The following CDC42BPA variants were observed in gnomAD, a reference collection of about 807,000 sequenced individuals.
CDC42BPA encodes CDC42 binding protein kinase alpha, also known as serine/threonine-protein kinase MRCK alpha.
CDC42BPA carries 80 observed loss-of-function variants against 223.5 expected under a neutral mutation model. The ratio of observed to expected loss-of-function variants is 0.36; its 90% CI spans 0.30 to 0.43. The LOEUF is 0.43. CDC42BPA is among the 20% of genes least tolerant of loss of function. CDC42BPA has a pLI of 1.00. For synonymous variants in CDC42BPA, 694 were observed against 718.6 expected (o/e 0.97, Z 0.55); for missense variants, 1,743 against 2,099.9 (o/e 0.83, Z 3.32).
intron 5 of CDC42BPA, among the ~76,000 whole-genome samples, chr1:227,164,551 A>AGCTACTCAGGAGGCTACTCAGGAG (rs56874551): frequency 1.2e-3 from 184 of 151,882 alleles, no homozygotes; most frequent in African/African-American, 3.9e-3. Flanking sequence ...CTGTGGTCCC[A>AGCTACTCAGGAGGCTACTCAGGAG]GCTACTCAGG....
Position 227,158,963 on chromosome 1 carries a change from C to T in CDC42BPA, c.693+1580G>A, listed in dbSNP as rs554814985. ...TTCTGCATCAGAGTCAGGAACTGCCCCAGTCTTTGCGCAATCGTGAGGAAT... is the reference window on the plus strand; with the variant it reads ...TTCTGCATCAGAGTCAGGAACTGCCTCAGTCTTTGCGCAATCGTGAGGAAT... On this transcript the variant is annotated intron_variant, in intron 6 of 36. Transcript: ENST00000366766. Among the ~76,000 whole-genome samples, 5 of 152,146 alleles carry T rather than the reference C, an allele frequency of 3.3e-5. No homozygotes were observed. The South Asian group carries it at 1.0e-3, about 32-fold the overall frequency.
chr1:227,050,205 C>T (rs1673261620), intron 22 of CDC42BPA, among the ~76,000 whole-genome samples: 1 of 152,034 alleles, frequency 6.6e-6, no homozygotes, highest in African/African-American at 2.4e-5. Context: ...ACAGGCAAAT[C>T]ATCAATGGTC....
intron 4 of CDC42BPA, among the ~76,000 whole-genome samples, chr1:227,196,621 G>A (rs560370255): frequency 2.0e-5 from 3 of 152,036 alleles, no homozygotes; most frequent in Admixed American, 1.3e-4. Context: ...TTACAGGCAT[G>A]AGCCACCGTG....
At chr1:227,220,311 T>TATATATAC (rs1210485137) in intron 2 of CDC42BPA, among the ~76,000 whole-genome samples, 305 of 49,444 alleles carry the variant, frequency 6.2e-3, no homozygotes, top group African/African-American at 0.015. Context: ...TATATATATA[T>TATATATAC]ACACACACAC....
intron 33 of CDC42BPA, 142 bp downstream of exon 33, chr1:227,016,785 T>C (rs1666364957): frequency 5.6e-6 from 4 of 720,358 alleles, no homozygotes; most frequent in South Asian, 2.8e-5. Context: ...AGAAGTTACA[T>C]TCATTATTGC....
At chr1:227,307,757 C>T (rs924504447) in intron 1 of CDC42BPA, among the ~76,000 whole-genome samples, 2 of 152,142 alleles carry the variant, frequency 1.3e-5, no homozygotes, top group African/African-American at 4.8e-5. Flanking sequence ...AATACATTTA[C>T]GGGTGCTGCA....
chr1:227,293,109 C>T (rs1193478318), intron 1 of CDC42BPA, among the ~76,000 whole-genome samples: 1 of 152,104 alleles, frequency 6.6e-6, no homozygotes, highest in African/African-American at 2.4e-5. Context: ...GTTCACTCAC[C>T]AATTCTTTCA....
chr1:227,148,479 A>C (rs974077468), intron 6 of CDC42BPA, among the ~76,000 whole-genome samples: 1 of 152,176 alleles, frequency 6.6e-6, no homozygotes, highest in Non-Finnish European at 1.5e-5. Flanking sequence ...TCCAATTCTG[A>C]ATAATTAGGA....
chr1:227,194,105 C>A (rs1558726757), intron 4 of CDC42BPA, among the ~76,000 whole-genome samples, 171 bp from the exon 5 acceptor site: 1 of 152,158 alleles, frequency 6.6e-6, no homozygotes, highest in Non-Finnish European at 1.5e-5. Context: ...TACAAAACTT[C>A]TAAATTTCAT....
At chr1:227,092,049 G>A in intron 15 of CDC42BPA, 58 bp from the exon 16 acceptor site, 1 of 956,368 alleles carries the variant, frequency 1.0e-6, no homozygotes, top group Non-Finnish European at 1.6e-6. Context: ...TTGAAAACTT[G>A]AAATTATTTT....
In CDC42BPA at chr1:226,993,831, C is replaced by T. The variant is rs947550435; in HGVS notation, c.*437G>A. 3 of 159,042 alleles carry T rather than the reference C, an allele frequency of 1.9e-5. No homozygotes were observed. The highest frequency in any genetic ancestry group is 7.2e-5 in the African/African-American group (3 of 41,488). 9.9% of individuals were successfully genotyped at this position (159,042 alleles called of 1,614,324 possible). A position where few individuals can be genotyped will look rare whatever the true frequency, so the allele number is the denominator to read the frequency against. On this transcript the variant is annotated 3_prime_UTR_variant, in exon 37 of 37. Transcript: ENST00000366766. ...ACTCACTGCGTTTGCTGATTAAGAG[C>T]TTAGTGAGCCACTCCAGGGACCAAT...
At chr1:227,034,878 A>C in intron 25 of CDC42BPA, 84 bp from the exon 26 acceptor site, 3 of 1,248,046 alleles carry the variant, frequency 2.4e-6, no homozygotes, top group Non-Finnish European at 1.1e-6. Context: ...TGCATGGTGA[A>C]GACCTACAGA....
At chr1:227,188,769 C>A (rs1021379582) in intron 5 of CDC42BPA, among the ~76,000 whole-genome samples, 1 of 152,038 alleles carries the variant, frequency 6.6e-6, no homozygotes, top group Non-Finnish European at 1.5e-5. Flanking sequence ...ACTATTATGG[C>A]GGATACACGT....
intron 2 of CDC42BPA, among the ~76,000 whole-genome samples, chr1:227,214,086 T>G (rs1877621): frequency 0.31 from 47,326 of 151,648 alleles, 7,581 homozygotes; most frequent in East Asian, 0.37. Context: ...TACTGGGGGT[T>G]GGTGGGGAGG....
intron 3 of CDC42BPA, among the ~76,000 whole-genome samples, chr1:227,212,770 T>C (rs1426298412): frequency 6.6e-6 from 1 of 152,198 alleles, no homozygotes; most frequent in Non-Finnish European, 1.5e-5. Context: ...CTGCTGACTT[T>C]TGCTTGTAGC....
intron 16 of CDC42BPA, among the ~76,000 whole-genome samples, chr1:227,091,241 G>T (rs1226962847): frequency 6.6e-6 from 1 of 151,816 alleles, no homozygotes; most frequent in Non-Finnish European, 1.5e-5. Flanking sequence ...AACAGATGGT[G>T]ATATGACTTC....
chr1:227,058,788 G>A (rs957375325), intron 21 of CDC42BPA, among the ~76,000 whole-genome samples: 2 of 151,260 alleles, frequency 1.3e-5, no homozygotes, highest in African/African-American at 4.9e-5. Context: ...TTAAATCTTG[G>A]AATTATCTTA....
At chr1:227,225,534 G>C (rs997853468) in intron 2 of CDC42BPA, among the ~76,000 whole-genome samples, 2 of 152,072 alleles carry the variant, frequency 1.3e-5, no homozygotes, top group Admixed American at 1.3e-4. Flanking sequence ...ACATAAATAA[G>C]GAATTTAATA....
chr1:227,273,535 C>CAA lies in CDC42BPA; in HGVS notation c.179-19382_179-19381dup, dbSNP rs71937451. ...GGGCGACAAGAGCGAAACTCTGTCTCAAAAAAAAAAAAACCAACAACAACA... is the reference window on the plus strand; with the variant it reads ...GGGCGACAAGAGCGAAACTCTGTCTCAAAAAAAAAAAAAAACCAACAACAACA... On this transcript the variant is annotated intron_variant, in intron 1 of 36. Coordinates refer to ENST00000366766, the MANE Select transcript of CDC42BPA (RefSeq NM_001394014.1). Among the ~76,000 whole-genome samples, 371 of 132,202 alleles carry CAA rather than the reference C, an allele frequency of 2.8e-3. 8 individuals are homozygous for CAA. The East Asian group carries it at 0.049, about 17-fold the overall frequency. The allele number at this position is 132,202 out of a possible 152,430, so 86.7% of individuals were successfully genotyped here. A position where few individuals can be genotyped will look rare whatever the true frequency, so the allele number is the denominator to read the frequency against.
Sources: allele counts gnomAD v4.1 joint callset (sites outside exome capture counted in the v4.1 genomes callset), GRCh38; gene constraint gnomAD v4.1.1; transcripts MANE v1.5; gene names NCBI Gene and HGNC (gene_info 2026-07-23, HGNC 2026-07-21).